GPC5: variants seen among roughly 807,000 people sequenced by gnomAD.
The protein encoded by GPC5 is glypican-5.
Under a neutral mutation model 53.9 loss-of-function variants are expected in GPC5, and 47 were observed. The observed-to-expected ratio is 0.87, with a 90% CI of 0.69 to 1.11. The LOEUF (loss-of-function observed/expected upper bound fraction) is 1.11. GPC5 is among the 50% of genes most tolerant of loss of function. GPC5 has a pLI of 0.00. For synonymous variants in GPC5, 286 were observed against 263.3 expected (o/e 1.09, Z -0.84); for missense variants, 748 against 713.1 (o/e 1.05, Z -0.56).
intron 1 of GPC5, among the ~76,000 whole-genome samples, chr13:91,418,271 G>T (rs1878374090): frequency 6.6e-6 from 1 of 152,086 alleles, no homozygotes. Flanking sequence ...AAGAAGAAAG[G>T]GTTTTGAGAA....
At chr13:92,840,078 CAT>C (rs4001881) in intron 7 of GPC5, among the ~76,000 whole-genome samples, 7,897 of 94,008 alleles carry the variant, frequency 0.084, 222 homozygotes, top group Non-Finnish European at 0.098. Flanking sequence ...TATATACATA[CAT>C]ATATATATAT....
chr13:91,830,445 G>A (rs1361749769), intron 5 of GPC5, among the ~76,000 whole-genome samples: 1 of 151,916 alleles, frequency 6.6e-6, no homozygotes, highest in East Asian at 1.9e-4. Context: ...ATCCTCCTCA[G>A]CTGACAGGAT....
At chr13:91,458,953 T>A (rs1255196557) in intron 2 of GPC5, among the ~76,000 whole-genome samples, 1 of 151,844 alleles carries the variant, frequency 6.6e-6, no homozygotes, top group Admixed American at 6.6e-5. Context: ...GTAAAGTAAC[T>A]CAGGAATCAA....
At chr13:91,793,041 G>A (rs375575204) in intron 5 of GPC5, among the ~76,000 whole-genome samples, 6 of 152,114 alleles carry the variant, frequency 3.9e-5, no homozygotes, top group African/African-American at 1.4e-4. Flanking sequence ...CTAATGATAA[G>A]GAGATGTATT....
intron 7 of GPC5, among the ~76,000 whole-genome samples, chr13:92,615,382 T>C (rs907121053): frequency 2.0e-5 from 3 of 152,204 alleles, no homozygotes; most frequent in Non-Finnish European, 1.5e-5. Context: ...TCCAGAAGTA[T>C]GGAAAATGCA....
intron 7 of GPC5, among the ~76,000 whole-genome samples, chr13:92,797,117 T>C (rs1876712933): frequency 6.6e-6 from 1 of 151,932 alleles, no homozygotes; most frequent in African/African-American, 2.4e-5. Flanking sequence ...CTTGATTCAT[T>C]ACTTTTAAAA....
At chr13:92,191,329 T>A (rs904347770) in intron 7 of GPC5, among the ~76,000 whole-genome samples, 3 of 152,116 alleles carry the variant, frequency 2.0e-5, no homozygotes, top group Non-Finnish European at 4.4e-5. Context: ...AAATGAGATA[T>A]CATTACTCAT....
At chr13:91,820,510 A>T (rs2038475127) in intron 5 of GPC5, among the ~76,000 whole-genome samples, 1 of 152,146 alleles carries the variant, frequency 6.6e-6, no homozygotes, top group African/African-American at 2.4e-5. Context: ...AGTGCGAAGT[A>T]TCTAATTTGT....
intron 7 of GPC5, among the ~76,000 whole-genome samples, chr13:92,214,806 A>G (rs1251971938): frequency 1.3e-5 from 2 of 152,232 alleles, no homozygotes; most frequent in East Asian, 3.8e-4. Context: ...CAGGTGTCCA[A>G]TGCAGTCATA....
At chr13:91,451,253 C>A (rs917648627) in intron 2 of GPC5, among the ~76,000 whole-genome samples, 2 of 152,142 alleles carry the variant, frequency 1.3e-5, no homozygotes, top group African/African-American at 2.4e-5. Context: ...CCTAGTTCAA[C>A]AATATTAATC....
intron 2 of GPC5, among the ~76,000 whole-genome samples, chr13:91,616,133 G>GAATGAGCCC: frequency 6.6e-6 from 1 of 152,210 alleles, no homozygotes; most frequent in African/African-American, 2.4e-5. Flanking sequence ...GGCTTATATT[G>GAATGAGCCC]CCTAGGAAGA....
intron 7 of GPC5, among the ~76,000 whole-genome samples, chr13:92,712,393 C>T (rs1316834601): frequency 6.6e-6 from 1 of 151,186 alleles, no homozygotes; most frequent in African/African-American, 2.4e-5. Context: ...AAAAATCAAC[C>T]CAGGATGGTG....
chr13:92,695,902 C>A (rs999284962), intron 7 of GPC5, among the ~76,000 whole-genome samples: 1 of 151,984 alleles, frequency 6.6e-6, no homozygotes, highest in African/African-American at 2.4e-5. Context: ...CTCCCTGTGA[C>A]CATGTGTTCT....
intron 5 of GPC5, among the ~76,000 whole-genome samples, chr13:91,802,653 T>TAA (rs2038154714): frequency 6.6e-6 from 1 of 152,086 alleles, no homozygotes; most frequent in Admixed American, 6.6e-5. Flanking sequence ...GATTGGTGTG[T>TAA]TTACAATCCT....
Position 92,600,472 on chromosome 13 carries a change from T to TC in GPC5, c.1562-265809dup, listed in dbSNP as rs113895337. On this transcript the variant is annotated intron_variant, in intron 7 of 7. Transcript: ENST00000377067. The stretch of plus-strand genomic sequence containing the variant: ...GAAAGTATTCCCATGTGTTTTTTTT[T>TC]CTTTTCAATTCATTCATTCATTCAT... 6.5e-3 allele frequency among the ~76,000 whole-genome samples: 995 copies of TC among 152,096 alleles called. 12 individuals are homozygous for TC. The highest frequency in any genetic ancestry group is 0.022 in the African/African-American group (914 of 41,406).
intron 2 of GPC5, among the ~76,000 whole-genome samples, chr13:91,458,775 G>A (rs1171669988): frequency 1.3e-5 from 2 of 151,978 alleles, no homozygotes; most frequent in Non-Finnish European, 2.9e-5. Flanking sequence ...AGCACAATTT[G>A]CAATTGCAAA....
At chr13:92,323,832 ATATAT>A (rs1450717172) in intron 7 of GPC5, among the ~76,000 whole-genome samples, 1 of 151,960 alleles carries the variant, frequency 6.6e-6, no homozygotes, top group African/African-American at 2.4e-5. Context: ...AATATAGATG[ATATAT>A]TAGGGTGTTG....
At chr13:92,695,053 A>G (rs1454249230) in intron 7 of GPC5, among the ~76,000 whole-genome samples, 1 of 152,048 alleles carries the variant, frequency 6.6e-6, no homozygotes, top group Admixed American at 6.5e-5. Flanking sequence ...CTTCCCCTTC[A>G]CCTTCTGCCA....
At chr13:91,579,519 C>T (rs1048222784) in intron 2 of GPC5, among the ~76,000 whole-genome samples, 1 of 152,090 alleles carries the variant, frequency 6.6e-6, no homozygotes, top group African/African-American at 2.4e-5. Flanking sequence ...ACATTGAATA[C>T]GAACCTGCCT....
Sources: gnomAD v4.1 joint callset for allele counts (sites outside exome capture counted in the v4.1 genomes callset) on GRCh38, gnomAD v4.1.1 for gene constraint, MANE v1.5 for transcripts, NCBI Gene and HGNC (gene_info 2026-07-23, HGNC 2026-07-21) for gene names.